ADAM2: variants seen among roughly 807,000 people sequenced by gnomAD.
ADAM2 encodes the protein ADAM metallopeptidase domain 2.
ADAM2 carries 101 observed loss-of-function variants against 99.3 expected under a neutral mutation model. The observed-to-expected ratio is 1.02, with a 90% CI of 0.87 to 1.20. The LOEUF is 1.20. Ranked by LOEUF, ADAM2 falls within the 50% of genes most tolerant of loss-of-function variation. The probability of loss-of-function intolerance (pLI) is 0.00; values close to 1 mark genes in which losing one functional copy is unlikely to be tolerated. For missense variants in ADAM2, 948 were observed against 878.7 expected, an observed-to-expected ratio of 1.08 and a Z score of -1.00; for synonymous variants, 323 against 287.6, an observed-to-expected ratio of 1.12 and a Z score of -1.25.
rs777335732 is a variant in ADAM2 at position 39,821,631 on chromosome 8, C to T, written c.299G>A (p.Gly100Asp). 6.2e-7 allele frequency: 1 copy of T among 1,608,234 alleles called. No individual in the cohort carries two copies. Among genetic ancestry groups the T allele is most frequent in the Admixed American group, 1.7e-5 (1 of 59,978 alleles). The change falls in exon 5 of 21, where the codon GGT becomes GAT. Residue 100 changes from glycine to aspartate, a missense_variant. Physicochemically the swap from Gly to Asp is moderately conservative, Grantham distance 94. Coordinates refer to ENST00000265708, the MANE Select transcript of ADAM2 (RefSeq NM_001464.5). ...AACCATCACCACAGATTTTGGATAA[C>T]CTTCAATATACCCTTGGTAGTGGCA... ...NFCHYQGYIE[G>D]YPKSVVMVST...
intron 1 of ADAM2, 85 bp from the exon 2 acceptor site, chr8:39,837,297 C>T (rs1805869501): frequency 2.2e-6 from 2 of 891,600 alleles, no homozygotes; most frequent in Non-Finnish European, 3.5e-6. Context: ...AATCTCTAAT[C>T]TCTATTCTAT....
intron 2 of ADAM2, among the ~76,000 whole-genome samples, chr8:39,836,067 A>G (rs73673829): frequency 0.031 from 4,691 of 152,168 alleles, 178 homozygotes; most frequent in African/African-American, 0.084. Flanking sequence ...TACAAATGAG[A>G]AAATAATGAG....
chr8:39,767,896 TCACA>T (rs57655234), intron 12 of ADAM2, among the ~76,000 whole-genome samples: 177 of 147,876 alleles, frequency 1.2e-3, no homozygotes, highest in African/African-American at 2.5e-3. Flanking sequence ...GACAATGCAT[TCACA>T]CACACACACA....
chr8:39,809,270 G>T, intron 7 of ADAM2, 140 bp downstream of exon 7: 1 of 543,406 alleles, frequency 1.8e-6, no homozygotes, highest in Non-Finnish European at 3.3e-6. Context: ...ATTTACTACT[G>T]ATATTAATAA....
At chr8:39,765,059 A>AAAT (rs1802518842) in intron 14 of ADAM2, among the ~76,000 whole-genome samples, 1 of 150,910 alleles carries the variant, frequency 6.6e-6, no homozygotes, top group African/African-American at 2.5e-5. Flanking sequence ...ATAAATAAAT[A>AAAT]AATAAATAAA....
intron 19 of ADAM2, among the ~76,000 whole-genome samples, chr8:39,745,653 A>C (rs1823411622): frequency 6.6e-6 from 1 of 152,078 alleles, no homozygotes; most frequent in African/African-American, 2.4e-5. Context: ...TTTATTACTT[A>C]TTAACTTTTA....
intron 10 of ADAM2, among the ~76,000 whole-genome samples, chr8:39,778,127 T>G (rs948069390): frequency 4.0e-5 from 6 of 151,042 alleles, no homozygotes; most frequent in Non-Finnish European, 7.4e-5. Flanking sequence ...TATAGCACAT[T>G]TTGATCACAC....
chr8:39,786,600 T>C (rs1029851609), intron 10 of ADAM2, among the ~76,000 whole-genome samples: 1 of 152,178 alleles, frequency 6.6e-6, no homozygotes, highest in African/African-American at 2.4e-5. Context: ...TACTTTCAAA[T>C]GTTTTATTTT....
chr8:39,791,272 T>C (rs1457611304), intron 7 of ADAM2, among the ~76,000 whole-genome samples: 1 of 152,044 alleles, frequency 6.6e-6, no homozygotes, highest in Admixed American at 6.6e-5. Flanking sequence ...ATAGTAAGAA[T>C]GTCCTCTCTG....
At chr8:39,838,094 G>C in intron 1 of ADAM2, 37 bp downstream of exon 1, 1 of 1,609,296 alleles carries the variant, frequency 6.2e-7, no homozygotes, top group Non-Finnish European at 8.5e-7. Flanking sequence ...TAGCGCTGAG[G>C]GTCCCAAAAG....
chr8:39,802,398 G>A (rs374671625), intron 7 of ADAM2, among the ~76,000 whole-genome samples: 50 of 152,124 alleles, frequency 3.3e-4, no homozygotes, highest in East Asian at 1.9e-4. Context: ...GGGAGACTCC[G>A]AATGCTGCTG....
chr8:39,806,934 G>A (rs1390757515), intron 7 of ADAM2, among the ~76,000 whole-genome samples: 2 of 152,166 alleles, frequency 1.3e-5, no homozygotes, highest in Non-Finnish European at 2.9e-5. Context: ...AGGATGGAAC[G>A]ATACAGGTGA....
chr8:39,746,929 T>C (rs1346840821), intron 18 of ADAM2, among the ~76,000 whole-genome samples: 1 of 152,196 alleles, frequency 6.6e-6, no homozygotes, highest in South Asian at 2.1e-4. Flanking sequence ...CTTGTTTGAA[T>C]TTGGCATCAG....
chr8:39,802,396 C>A (rs1804255449), intron 7 of ADAM2, among the ~76,000 whole-genome samples: 1 of 152,166 alleles, frequency 6.6e-6, no homozygotes, highest in Admixed American at 6.5e-5. Flanking sequence ...ATGGGAGACT[C>A]CGAATGCTGC....
chr8:39,802,093 C>T (rs1445354542), intron 7 of ADAM2, among the ~76,000 whole-genome samples: 1 of 152,204 alleles, frequency 6.6e-6, no homozygotes, highest in Non-Finnish European at 1.5e-5. Flanking sequence ...TCTGCGTGTT[C>T]CATGGTTGAG....
intron 6 of ADAM2, among the ~76,000 whole-genome samples, chr8:39,816,219 C>A (rs1385076029): frequency 6.6e-6 from 1 of 152,116 alleles, no homozygotes; most frequent in Non-Finnish European, 1.5e-5. Flanking sequence ...ATCACTTGAA[C>A]CCGGGAGGTG....
At position 39,761,232 on chromosome 8, in the gene ADAM2, A is replaced by C; in HGVS notation, c.1557T>G (p.Thr519=). 6.2e-7 allele frequency: 1 copy of C among 1,605,526 alleles called. No homozygotes were observed. The highest frequency in any genetic ancestry group is 8.5e-7 in the Non-Finnish European group (1 of 1,175,218). The change falls in exon 15 of 21, where the codon ACT becomes ACG. Residue 519 remains threonine, a synonymous_variant. Transcript: ENST00000265708. Reference sequence around the variant, plus strand: ...TTATACCACAGTTTCCAGATACATCAGTCTTTGAATTAAGGTGAGAATAAC... The same window carrying C: ...TTATACCACAGTTTCCAGATACATCCGTCTTTGAATTAAGGTGAGAATAAC... ...SECYSHLNSK[T]DVSGNCGISD... is the part of the protein sequence containing the mutation.
chr8:39,786,998 T>C lies in ADAM2; in HGVS notation c.867A>G (p.Ala289=). The C allele has an allele frequency of 6.3e-7, 1 of 1,592,488 alleles. No individual in the cohort carries two copies. The highest frequency in any genetic ancestry group is 8.6e-7 in the Non-Finnish European group (1 of 1,169,408). ...GATFQGKMCD[A]NYAGGVVLHP... ...CCAGAACAACACCTCCTGCATAGTT[T>C]GCATCACACATCTTCCCTTGAAAGG... is the stretch of plus-strand genomic sequence containing the variant. Residue 289 remains alanine (A), a synonymous_variant, in exon 10 of 21, where the codon GCA becomes GCG. Coordinates refer to ENST00000265708, the MANE Select transcript of ADAM2 (RefSeq NM_001464.5).
At chr8:39,782,715 C>T (rs2129584987) in intron 10 of ADAM2, among the ~76,000 whole-genome samples, 1 of 152,108 alleles carries the variant, frequency 6.6e-6, no homozygotes, top group Admixed American at 6.5e-5. Context: ...GTGATCATGT[C>T]CCTTTATTCA....
Sources: allele counts gnomAD v4.1 joint callset (sites outside exome capture counted in the v4.1 genomes callset), GRCh38; gene constraint gnomAD v4.1.1; transcripts MANE v1.5; gene names NCBI Gene and HGNC (gene_info 2026-07-23, HGNC 2026-07-21).